ASIC2: variants seen among roughly 807,000 people sequenced by gnomAD.
ASIC2 encodes acid-sensing ion channel 2.
ASIC2 carries 25 observed loss-of-function variants against 57.3 expected under a neutral mutation model. The ratio of observed to expected loss-of-function variants is 0.44; its 90% CI spans 0.32 to 0.61. The LOEUF (loss-of-function observed/expected upper bound fraction) is 0.61, where lower values mean the gene tolerates loss of function less well. ASIC2 is among the 20% of genes least tolerant of loss of function. ASIC2 has a pLI of 0.06. For missense variants in ASIC2, 641 were observed against 738.1 expected, an observed-to-expected ratio of 0.87 and a Z score of 1.52; for synonymous variants, 319 against 307.5, an observed-to-expected ratio of 1.04 and a Z score of -0.39.
Position 33,017,420 on chromosome 17 carries a change from A to T in ASIC2, c.1521+185T>A, listed in dbSNP as rs573093514. On this transcript the variant is annotated intron_variant, in intron 8 of 9. Transcript: ENST00000225823. Reference sequence around the variant, plus strand: ...TTTCTCTTACATCCACCGCCCCCCAAAAACCTCCCATCCCCTTGCCCCACA... The same window carrying T: ...TTTCTCTTACATCCACCGCCCCCCATAAACCTCCCATCCCCTTGCCCCACA... Among the ~76,000 whole-genome samples, 224 of 152,188 alleles carry T rather than the reference A, an allele frequency of 1.5e-3. 1 individual carries two copies. Among genetic ancestry groups the T allele is most frequent in the African/African-American group, 4.9e-3 (204 of 41,544 alleles).
At chr17:34,007,710 C>G (rs1382438435) in intron 1 of ASIC2, among the ~76,000 whole-genome samples, 4 of 152,230 alleles carry the variant, frequency 2.6e-5, no homozygotes, top group Non-Finnish European at 5.9e-5. Flanking sequence ...TGCTTTGAAA[C>G]TGCATCCTGC....
chr17:34,072,177 G>A (rs1364520879), intron 1 of ASIC2: 2 of 152,348 alleles, frequency 1.3e-5, no homozygotes, highest in Non-Finnish European at 2.9e-5. Flanking sequence ...TGCTGGGCTG[G>A]GGACGCGATT....
chr17:33,106,525 GA>G (rs1028629452), intron 2 of ASIC2, among the ~76,000 whole-genome samples: 1 of 152,202 alleles, frequency 6.6e-6, no homozygotes, highest in African/African-American at 2.4e-5. Flanking sequence ...GGTTTCCTCA[GA>G]CGTAACCCAC....
At chr17:34,046,425 A>T (rs1289245441) in intron 1 of ASIC2, among the ~76,000 whole-genome samples, 1 of 152,216 alleles carries the variant, frequency 6.6e-6, no homozygotes, top group Non-Finnish European at 1.5e-5. Context: ...GAAATTGATC[A>T]TTGAAAATTT....
intron 1 of ASIC2, among the ~76,000 whole-genome samples, chr17:33,591,352 C>T (rs1193429360): frequency 6.6e-6 from 1 of 152,194 alleles, no homozygotes. Context: ...CCCTTAGGCT[C>T]AGAATGGCAA....
intron 1 of ASIC2, among the ~76,000 whole-genome samples, chr17:34,025,780 G>A (rs192437879): frequency 6.6e-6 from 1 of 152,212 alleles, no homozygotes; most frequent in Admixed American, 6.5e-5. Context: ...AACAAAAGAG[G>A]GATAAAATAC....
intron 1 of ASIC2, among the ~76,000 whole-genome samples, chr17:33,144,081 T>C (rs1333898588): frequency 2.0e-5 from 3 of 151,954 alleles, no homozygotes; most frequent in Non-Finnish European, 4.4e-5. Context: ...TCCTGAGCCA[T>C]GTGATTGGTC....
intron 1 of ASIC2, among the ~76,000 whole-genome samples, chr17:33,330,159 G>T (rs1907253073): frequency 6.6e-6 from 1 of 152,154 alleles, no homozygotes; most frequent in African/African-American, 2.4e-5. Context: ...ATACTCTCCT[G>T]CTGCTGAAGT....
At chr17:33,839,266 A>G (rs1341103428) in intron 1 of ASIC2, among the ~76,000 whole-genome samples, 2 of 152,222 alleles carry the variant, frequency 1.3e-5, no homozygotes, top group African/African-American at 4.8e-5. Flanking sequence ...TACTGACAGA[A>G]GCAGATGCTT....
At chr17:33,138,508 G>A (rs2092374575) in intron 1 of ASIC2, among the ~76,000 whole-genome samples, 1 of 152,222 alleles carries the variant, frequency 6.6e-6, no homozygotes. Flanking sequence ...TCACTCGGAA[G>A]TCCTTGACTA....
At chr17:33,410,773 A>C (rs1164057761) in intron 1 of ASIC2, among the ~76,000 whole-genome samples, 1 of 152,204 alleles carries the variant, frequency 6.6e-6, no homozygotes, top group Non-Finnish European at 1.5e-5. Flanking sequence ...CATCTTTGTG[A>C]GACAGGCAAA....
intron 1 of ASIC2, among the ~76,000 whole-genome samples, chr17:33,547,609 A>C (rs1256393691): frequency 6.6e-6 from 1 of 152,094 alleles, no homozygotes; most frequent in Non-Finnish European, 1.5e-5. Context: ...TAGTCGCCCC[A>C]TCCTGCAGAA....
At chr17:33,998,218 T>C (rs1906223554) in intron 1 of ASIC2, among the ~76,000 whole-genome samples, 1 of 152,144 alleles carries the variant, frequency 6.6e-6, no homozygotes, top group Admixed American at 6.5e-5. Context: ...TTTGTATTTC[T>C]GCAGTATTAG....
chr17:33,444,736 G>A (rs1597729637), intron 1 of ASIC2, among the ~76,000 whole-genome samples: 1 of 152,252 alleles, frequency 6.6e-6, no homozygotes, highest in East Asian at 1.9e-4. Flanking sequence ...CTTCATGTCA[G>A]CCTCTGGAAG....
chr17:33,497,984 A>C (rs1173405332), intron 1 of ASIC2, among the ~76,000 whole-genome samples: 2 of 152,254 alleles, frequency 1.3e-5, no homozygotes, highest in Non-Finnish European at 2.9e-5. Flanking sequence ...AGCCAAGGGA[A>C]GTTCCTCAGA....
intron 1 of ASIC2, among the ~76,000 whole-genome samples, chr17:33,258,624 T>C (rs1221331041): frequency 1.3e-5 from 2 of 152,084 alleles, no homozygotes; most frequent in Non-Finnish European, 2.9e-5. Flanking sequence ...AGAATGTTTG[T>C]GGAACACAGA....
intron 1 of ASIC2, among the ~76,000 whole-genome samples, chr17:33,882,773 G>T (rs1450159399): frequency 6.6e-6 from 1 of 152,288 alleles, no homozygotes; most frequent in East Asian, 1.9e-4. Flanking sequence ...ATACCCAAAG[G>T]ATTATAAATC....
At chr17:33,962,518 A>G (rs1185919503) in intron 1 of ASIC2, among the ~76,000 whole-genome samples, 1 of 152,114 alleles carries the variant, frequency 6.6e-6, no homozygotes, top group Non-Finnish European at 1.5e-5. Flanking sequence ...TGCCTTGTAA[A>G]CTGCACAACA....
intron 1 of ASIC2, among the ~76,000 whole-genome samples, chr17:33,561,311 T>G (rs1011392063): frequency 2.0e-5 from 3 of 152,196 alleles, no homozygotes; most frequent in African/African-American, 7.2e-5. Flanking sequence ...TGTGCTTGGC[T>G]TGACATGCTT....
Sources: gnomAD v4.1 joint callset for allele counts (sites outside exome capture counted in the v4.1 genomes callset) on GRCh38, gnomAD v4.1.1 for gene constraint, MANE v1.5 for transcripts, NCBI Gene and HGNC (gene_info 2026-07-23, HGNC 2026-07-21) for gene names.